LINGO2: variants seen among roughly 807,000 people sequenced by gnomAD.
LINGO2 encodes the protein leucine-rich repeat and immunoglobulin-like domain-containing nogo receptor-interacting protein 2.
Under a neutral mutation model 30.6 loss-of-function variants are expected in LINGO2, and 14 were observed. The observed-to-expected ratio is 0.46, with a 90% CI of 0.30 to 0.72. The LOEUF (loss-of-function observed/expected upper bound fraction) is 0.72. Among genes scored for constraint, LINGO2 ranks in the 30% least tolerant of loss-of-function variants. The pLI, the probability that LINGO2 is intolerant of heterozygous loss-of-function variation, is 0.07. For missense variants in LINGO2, 729 were observed against 751.7 expected (o/e 0.97, Z 0.35); for synonymous variants, 317 against 288.5 (o/e 1.10, Z -1.00).
the LINGO2 span, among the ~76,000 whole-genome samples, chr9:28,872,342 T>C: frequency 2.6e-5 from 4 of 152,068 alleles, no homozygotes; most frequent in African/African-American, 9.7e-5. Context: ...ACTATTGTAG[T>C]TGTCCTCACT....
At chr9:28,053,737 G>T (rs1482029569) in intron 4 of LINGO2, among the ~76,000 whole-genome samples, 5 of 151,986 alleles carry the variant, frequency 3.3e-5, no homozygotes. Context: ...ACTGGATATG[G>T]GTATGTTGGT....
the LINGO2 span, among the ~76,000 whole-genome samples, chr9:29,017,073 A>G: frequency 1.3e-5 from 2 of 152,178 alleles, no homozygotes; most frequent in African/African-American, 4.8e-5. Flanking sequence ...GATTCAAAAC[A>G]TGTACATTTT....
At chr9:28,034,315 G>A (rs2132922554) in intron 4 of LINGO2, among the ~76,000 whole-genome samples, 1 of 152,286 alleles carries the variant, frequency 6.6e-6, no homozygotes, top group South Asian at 2.1e-4. Flanking sequence ...TTTCTTTTCG[G>A]AATTCTGCTT....
At chr9:28,366,687 AG>A (rs899612602) in intron 3 of LINGO2, among the ~76,000 whole-genome samples, 1 of 151,932 alleles carries the variant, frequency 6.6e-6, no homozygotes, top group African/African-American at 2.4e-5. Context: ...AAAAAAAAAA[AG>A]AGTTACTTTC....
At chr9:28,533,789 C>A (rs752857668) in intron 1 of LINGO2, among the ~76,000 whole-genome samples, 7 of 151,960 alleles carry the variant, frequency 4.6e-5, no homozygotes, top group African/African-American at 1.5e-4. Context: ...CAGAACAGTA[C>A]CTGAATTAAA....
At chr9:29,006,525 G>A in the LINGO2 span, among the ~76,000 whole-genome samples, 1 of 151,930 alleles carries the variant, frequency 6.6e-6, no homozygotes, top group Non-Finnish European at 1.5e-5. Flanking sequence ...CTTCACAGAT[G>A]AGACATAAAA....
At chr9:29,144,838 T>C in the LINGO2 span, among the ~76,000 whole-genome samples, 1 of 152,150 alleles carries the variant, frequency 6.6e-6, no homozygotes. Flanking sequence ...AAATTAAAAA[T>C]TGGGCAGGCA....
the LINGO2 span, among the ~76,000 whole-genome samples, chr9:28,895,643 A>G: frequency 6.6e-6 from 1 of 151,958 alleles, no homozygotes; most frequent in African/African-American, 2.4e-5. Flanking sequence ...CTCGCAAATA[A>G]TACATTTTTT....
intron 4 of LINGO2, among the ~76,000 whole-genome samples, chr9:28,224,785 A>G (rs528188118): frequency 1.3e-5 from 2 of 152,316 alleles, no homozygotes; most frequent in Admixed American, 6.5e-5. Flanking sequence ...TAAAATTTGT[A>G]TGGAATCACT....
intron 2 of LINGO2, among the ~76,000 whole-genome samples, chr9:28,401,120 T>C (rs1330116506): frequency 6.6e-6 from 1 of 152,198 alleles, no homozygotes; most frequent in African/African-American, 2.4e-5. Flanking sequence ...GTGAAAGACA[T>C]GTAGTGACAA....
At chr9:29,026,834 T>C in the LINGO2 span, among the ~76,000 whole-genome samples, 8 of 152,156 alleles carry the variant, frequency 5.3e-5, no homozygotes, top group Non-Finnish European at 4.4e-5. Context: ...CTTAACAACC[T>C]CTATGAGCTA....
chr9:28,880,435 A>G, the LINGO2 span, among the ~76,000 whole-genome samples: 1 of 152,210 alleles, frequency 6.6e-6, no homozygotes, highest in Non-Finnish European at 1.5e-5. Flanking sequence ...TGCCTTGTTA[A>G]CAAAATGTTT....
At chr9:28,839,409 C>T in the LINGO2 span, among the ~76,000 whole-genome samples, 1 of 152,074 alleles carries the variant, frequency 6.6e-6, no homozygotes, top group Non-Finnish European at 1.5e-5. Context: ...ATGAGTTCAG[C>T]TCTCAGTGGA....
At chr9:28,809,434 G>T in the LINGO2 span, among the ~76,000 whole-genome samples, 6 of 152,104 alleles carry the variant, frequency 3.9e-5, no homozygotes, top group South Asian at 1.2e-3. Flanking sequence ...CCCTAGCACT[G>T]CCTGGGTGAT....
At chr9:28,108,593 G>A (rs1826668976) in intron 4 of LINGO2, among the ~76,000 whole-genome samples, 1 of 152,010 alleles carries the variant, frequency 6.6e-6, no homozygotes, top group Admixed American at 6.6e-5. Flanking sequence ...TGAGCTAGAG[G>A]CCTCTTAGTA....
chr9:29,080,358 G>C, the LINGO2 span, among the ~76,000 whole-genome samples: 1 of 151,514 alleles, frequency 6.6e-6, no homozygotes, highest in African/African-American at 2.4e-5. Flanking sequence ...TCTTGCTAGC[G>C]GTCTATCAAT....
At chr9:28,899,029 C>T in the LINGO2 span, among the ~76,000 whole-genome samples, 1 of 148,170 alleles carries the variant, frequency 6.7e-6, no homozygotes, top group Non-Finnish European at 1.5e-5. Flanking sequence ...TTGTCTCTCA[C>T]GGAAACATTA....
intron 1 of LINGO2, among the ~76,000 whole-genome samples, chr9:28,601,367 C>A (rs1255954397): frequency 6.6e-6 from 1 of 152,078 alleles, no homozygotes; most frequent in Non-Finnish European, 1.5e-5. Context: ...GCCAGGTGCC[C>A]GCAAATCCTG....
At chr9:28,040,424 G>GT (rs762768949) in intron 4 of LINGO2, among the ~76,000 whole-genome samples, 3,005 of 124,290 alleles carry the variant, frequency 0.024, 33 homozygotes, top group African/African-American at 0.035. Flanking sequence ...ACAGCTTGAA[G>GT]TTTTTTTTTT....
Sources: allele counts gnomAD v4.1 joint callset (sites outside exome capture counted in the v4.1 genomes callset), GRCh38; gene constraint gnomAD v4.1.1; transcripts MANE v1.5; gene names NCBI Gene and HGNC (gene_info 2026-07-23, HGNC 2026-07-21).